The following QSOX1 variants were observed in gnomAD, a reference collection of about 807,000 sequenced individuals.
QSOX1 encodes the protein sulfhydryl oxidase 1.
QSOX1 carries 40 observed loss-of-function variants against 76.1 expected under a neutral mutation model. The observed-to-expected ratio is 0.53, with a 90% confidence interval of 0.41 to 0.68. The LOEUF is 0.68. Among genes scored for constraint, QSOX1 ranks in the 30% least tolerant of loss-of-function variants. The probability of loss-of-function intolerance (pLI) is 0.00; values close to 1 mark genes in which losing one functional copy is unlikely to be tolerated. For synonymous variants in QSOX1, 392 were observed against 413.1 expected (o/e 0.95, Z 0.62); for missense variants, 931 against 974.3 (o/e 0.96, Z 0.59).
intron 1 of QSOX1, among the ~76,000 whole-genome samples, chr1:180,165,184 A>G (rs1311427169): frequency 6.6e-6 from 1 of 152,346 alleles, no homozygotes. Context: ...TGTGACTATC[A>G]GGGATGTTAT....
At chr1:180,172,316 G>A (rs1316849141) in intron 2 of QSOX1, among the ~76,000 whole-genome samples, 2 of 152,120 alleles carry the variant, frequency 1.3e-5, no homozygotes, top group Non-Finnish European at 2.9e-5. Context: ...GAACTCGGAG[G>A]AGACATTGGC....
intron 4 of QSOX1, 112 bp from the exon 5 acceptor site, chr1:180,178,682 A>C: frequency 2.2e-6 from 2 of 895,444 alleles, no homozygotes; most frequent in Non-Finnish European, 3.7e-6. Context: ...GAAGCGGAGG[A>C]GGGCGGGATG....
intron 7 of QSOX1, 130 bp from the exon 8 acceptor site, chr1:180,185,923 G>A: frequency 8.7e-7 from 1 of 1,146,026 alleles, no homozygotes; most frequent in Non-Finnish European, 1.3e-6. Flanking sequence ...GAAGCCAGTG[G>A]TAACTTACAA....
At chr1:180,155,544 G>A (rs1662358474) in intron 1 of QSOX1, among the ~76,000 whole-genome samples, 1 of 152,126 alleles carries the variant, frequency 6.6e-6, no homozygotes, top group Admixed American at 6.5e-5. Context: ...CAGCCTTGTG[G>A]CAGTCCTCTT....
chr1:180,191,318 A>G (rs1663304714), intron 10 of QSOX1, among the ~76,000 whole-genome samples: 1 of 152,126 alleles, frequency 6.6e-6, no homozygotes, highest in African/African-American at 2.4e-5. Context: ...CGTGGTGGAG[A>G]GAAAGATGTG....
chr1:180,189,694 A>G lies in QSOX1; in HGVS notation c.1140+20A>G. 6.2e-7 allele frequency: 1 copy of G among 1,607,992 alleles called. No homozygotes were observed. Among genetic ancestry groups the G allele is most frequent in the African/African-American group, 1.3e-5 (1 of 74,862 alleles). ...AAAGAGGTGAGTCTGGGAAGCAAAT[A>G]AAGATCTCTCCATCCTCCGTATTTA... On this transcript the variant is annotated intron_variant, in intron 9 of 11. Transcript: ENST00000367602.
At chr1:180,195,062 G>A (rs1405617990) in intron 11 of QSOX1, among the ~76,000 whole-genome samples, 2 of 152,024 alleles carry the variant, frequency 1.3e-5, no homozygotes, top group African/African-American at 2.4e-5. Context: ...TGGTGCAGGC[G>A]CCTGCACTTG....
At chr1:180,159,619 T>G (rs1022525546) in intron 1 of QSOX1, among the ~76,000 whole-genome samples, 1 of 152,206 alleles carries the variant, frequency 6.6e-6, no homozygotes, top group Admixed American at 6.5e-5. Context: ...AAAATCTGAT[T>G]GGTTATTTCG....
chr1:180,177,776 C>G (rs988784377), intron 4 of QSOX1, among the ~76,000 whole-genome samples: 2 of 152,190 alleles, frequency 1.3e-5, no homozygotes, highest in African/African-American at 2.4e-5. Flanking sequence ...TCCACCCCAG[C>G]GGGGTGCACT....
intron 4 of QSOX1, among the ~76,000 whole-genome samples, chr1:180,177,248 TC>T (rs147016435): frequency 0.19 from 22,739 of 121,454 alleles, 1,889 homozygotes; most frequent in Middle Eastern, 0.26. Context: ...CTCAAAGTGA[TC>T]CTTTTTTTTT....
In QSOX1 at chr1:180,175,340, A is replaced by G. The variant is rs2149235560; in HGVS notation, c.386A>G (p.Lys129Arg). Residue 129 changes from lysine to arginine, a missense_variant, in exon 3 of 12, where the codon AAG becomes AGG. Coordinates refer to ENST00000367602, the MANE Select transcript of QSOX1 (RefSeq NM_002826.5). The part of the protein sequence containing the change: ...PTVRFFKAFT[K>R]NGSGAVFPVA... Reference sequence around the variant, plus strand: ...TTCCAGTTCTTCAAGGCCTTTACCAAGAACGGCTCGGGAGCAGTATTTCCA... The same window carrying G: ...TTCCAGTTCTTCAAGGCCTTTACCAGGAACGGCTCGGGAGCAGTATTTCCA... The G allele has an allele frequency of 6.2e-7, 1 of 1,614,034 alleles. No homozygotes were observed. Among genetic ancestry groups the G allele is most frequent in the Middle Eastern group, 1.7e-4 (1 of 6,028 alleles).
At chr1:180,166,041 G>T (rs1013522708) in intron 1 of QSOX1, among the ~76,000 whole-genome samples, 2 of 152,074 alleles carry the variant, frequency 1.3e-5, no homozygotes, top group African/African-American at 4.8e-5. Flanking sequence ...CTTCCCTAAG[G>T]GTCCCCTGGG....
chr1:180,172,437 C>G (rs1662784278), intron 2 of QSOX1, among the ~76,000 whole-genome samples: 2 of 152,138 alleles, frequency 1.3e-5, no homozygotes, highest in South Asian at 4.2e-4. Context: ...CCTGCATCCC[C>G]CTGGGCCACT....
chr1:180,196,505 T>G lies in QSOX1; in HGVS notation c.1712T>G (p.Leu571Arg). Residue 571 changes from leucine to arginine, a missense_variant, in exon 12 of 12, where the codon CTG (leucine) becomes CGG (arginine). By Grantham distance (102) the Leu-to-Arg change is moderately radical. Transcript: ENST00000367602. The surrounding 1 kb of genome is among the most constrained non-coding windows in gnomAD (Gnocchi z 4.1). ...APELAMGALE[L>R]ESRNSTLDPG... is the part of the protein sequence containing the mutation. ...GAGCTGGCGATGGGAGCCCTGGAGC[T>G]GGAAAGCCGGAATTCAACTCTGGAC... is the stretch of plus-strand genomic sequence containing the variant. 6.2e-7 allele frequency: 1 copy of G among 1,614,066 alleles called. No homozygotes were observed. The highest frequency in any genetic ancestry group is 8.5e-7 in the Non-Finnish European group (1 of 1,179,954).
At chr1:180,184,648 G>T (rs1663125768) in intron 7 of QSOX1, among the ~76,000 whole-genome samples, 1 of 152,172 alleles carries the variant, frequency 6.6e-6, no homozygotes, top group Non-Finnish European at 1.5e-5. Context: ...TTTCTGTTGT[G>T]GTTGGGCAGT....
intron 5 of QSOX1, among the ~76,000 whole-genome samples, chr1:180,181,118 C>G (rs1663022788): frequency 6.6e-6 from 1 of 152,112 alleles, no homozygotes; most frequent in Non-Finnish European, 1.5e-5. Context: ...TGTGTGGACA[C>G]TACATAATAC....
rs115946830 is a variant in QSOX1 at position 180,181,465 on chromosome 1, C to T, written c.607-709C>T. Among the ~76,000 whole-genome samples, 1,105 of 152,294 alleles carry T rather than the reference C, an allele frequency of 7.3e-3. 11 individuals are homozygous for T. The highest frequency in any genetic ancestry group is 0.026 in the African/African-American group (1,064 of 41,556). Reference sequence around the variant, plus strand: ...ATCTTCTTATAACTATACACATTGACCAAAGGGCCCCTCTGACTACTGCAC... The same window carrying T: ...ATCTTCTTATAACTATACACATTGATCAAAGGGCCCCTCTGACTACTGCAC... On this transcript the variant is annotated intron_variant, in intron 5 of 11. Coordinates refer to ENST00000367602, the MANE Select transcript of QSOX1 (RefSeq NM_002826.5).
intron 6 of QSOX1, among the ~76,000 whole-genome samples, chr1:180,182,849 G>T (rs781572447): frequency 2.0e-5 from 3 of 152,224 alleles, no homozygotes; most frequent in Non-Finnish European, 2.9e-5. Context: ...TGCCCTCCCT[G>T]GGCAGATGAT....
At chr1:180,173,454 A>G (rs1359069594) in intron 2 of QSOX1, among the ~76,000 whole-genome samples, 1 of 152,262 alleles carries the variant, frequency 6.6e-6, no homozygotes, top group African/African-American at 2.4e-5. Context: ...ATAACTGTAA[A>G]GAACGCTATT....
Sources: gnomAD v4.1 joint callset for allele counts (sites outside exome capture counted in the v4.1 genomes callset) on GRCh38, gnomAD v4.1.1 for gene constraint, Gnocchi (gnomAD v3.1) non-coding constraint, MANE v1.5 for transcripts, NCBI Gene and HGNC (gene_info 2026-07-23, HGNC 2026-07-21) for gene names.